Variants in TRIM2 observed in about 807,000 individuals in gnomAD.
TRIM2 encodes tripartite motif containing 2.
A neutral mutation model predicts 75.2 loss-of-function variants in TRIM2; 20 were observed. The ratio of observed to expected loss-of-function variants is 0.27; its 90% CI spans 0.19 to 0.39. The LOEUF (loss-of-function observed/expected upper bound fraction) is 0.39. Among genes scored for constraint, TRIM2 ranks in the 10% least tolerant of loss-of-function variants. TRIM2 has a pLI of 1.00. For missense variants in TRIM2, 660 were observed against 990.8 expected (o/e 0.67, Z 4.48); for synonymous variants, 373 against 388.3 (o/e 0.96, Z 0.46).
intron 1 of TRIM2, among the ~76,000 whole-genome samples, chr4:153,244,438 T>TTTCTTCTTCTTCTTCGTC (rs1748512067): frequency 1.3e-5 from 1 of 74,146 alleles, no homozygotes; most frequent in South Asian, 4.5e-4. Context: ...TCTTCTTCTT[T>TTTCTTCTTCTTCTTCGTC]TAATTAGAGA....
At chr4:153,293,186 C>A in intron 4 of TRIM2, 53 bp downstream of exon 4, 1 of 1,536,456 alleles carries the variant, frequency 6.5e-7, no homozygotes, top group Non-Finnish European at 8.9e-7. Context: ...TGAGGCCTGG[C>A]CTCATGGCCT....
chr4:153,308,404 G>A, intron 6 of TRIM2: 9 of 865,948 alleles, frequency 1.0e-5, no homozygotes, highest in South Asian at 9.2e-5. Flanking sequence ...TTGGTTCCCA[G>A]CCCCTTCATG....
chr4:153,325,405 G>C (rs1303848959), intron 10 of TRIM2, among the ~76,000 whole-genome samples: 3 of 152,190 alleles, frequency 2.0e-5, no homozygotes, highest in Non-Finnish European at 4.4e-5. Flanking sequence ...CAGATAATCT[G>C]CATTCTCTGC....
rs936090657 is a variant in TRIM2 at position 153,335,602 on chromosome 4, T to C, written c.*636T>C. On this transcript the variant is annotated 3_prime_UTR_variant, in exon 12 of 12. Transcript: ENST00000338700. ...ACCTTTCTGGGTTAGACAAAGATCC[T>C]TTTTTGTGTGTTCTTTTCACCACCC... 41 of 985,326 alleles carry C rather than the reference T, an allele frequency of 4.2e-5. No homozygotes were observed. The highest frequency in any genetic ancestry group is 4.9e-5 in the Non-Finnish European group (41 of 829,938). 61.0% of individuals were successfully genotyped at this position (985,326 alleles called of 1,614,324 possible). A position where few individuals can be genotyped will look rare whatever the true frequency, so the allele number is the denominator to read the frequency against.
At chr4:153,234,483 A>G (rs1744496794) in intron 1 of TRIM2, among the ~76,000 whole-genome samples, 1 of 152,208 alleles carries the variant, frequency 6.6e-6, no homozygotes, top group Non-Finnish European at 1.5e-5. Context: ...AGTGAAATAT[A>G]TGTATCTATT....
chr4:153,231,031 T>C (rs1037552587), intron 1 of TRIM2, among the ~76,000 whole-genome samples: 3 of 152,150 alleles, frequency 2.0e-5, no homozygotes, highest in Non-Finnish European at 4.4e-5. Flanking sequence ...ACTTTTCCAG[T>C]AAAGGGGGAG....
intron 1 of TRIM2, among the ~76,000 whole-genome samples, chr4:153,180,355 C>T (rs113282242): frequency 0.034 from 5,168 of 152,298 alleles, 149 homozygotes; most frequent in South Asian, 0.061. Flanking sequence ...AAACAAGGTT[C>T]TCGACAGCCT....
At chr4:153,219,855 C>T (rs1739483997) in intron 1 of TRIM2, among the ~76,000 whole-genome samples, 2 of 151,920 alleles carry the variant, frequency 1.3e-5, no homozygotes, top group Non-Finnish European at 2.9e-5. Context: ...GTGACAGAGT[C>T]AGATCCTGTC....
At chr4:153,279,942 CAAA>C (rs3048123) in intron 3 of TRIM2, among the ~76,000 whole-genome samples, 50 of 104,158 alleles carry the variant, frequency 4.8e-4, no homozygotes, top group African/African-American at 8.4e-4. Flanking sequence ...GACTCTGTCT[CAAA>C]AAAAAAAAAA....
At chr4:153,194,314 A>G (rs2149666123) in intron 1 of TRIM2, among the ~76,000 whole-genome samples, 1 of 152,350 alleles carries the variant, frequency 6.6e-6, no homozygotes, top group African/African-American at 2.4e-5. Context: ...TGGTATGTGC[A>G]TATAAAGAAA....
intron 1 of TRIM2, among the ~76,000 whole-genome samples, chr4:153,155,591 A>G (rs1729157496): frequency 6.6e-6 from 1 of 152,200 alleles, no homozygotes; most frequent in Admixed American, 6.5e-5. Flanking sequence ...ATTGGATATA[A>G]TGAAAAACTT....
chr4:153,332,344 AG>A (rs1356611125), intron 11 of TRIM2, among the ~76,000 whole-genome samples: 11 of 152,224 alleles, frequency 7.2e-5, no homozygotes, highest in African/African-American at 2.7e-4. Flanking sequence ...CAATCCAATT[AG>A]AATAATGAAC....
intron 1 of TRIM2, among the ~76,000 whole-genome samples, chr4:153,221,377 A>C (rs1430392206): frequency 6.6e-6 from 1 of 152,184 alleles, no homozygotes; most frequent in Non-Finnish European, 1.5e-5. Flanking sequence ...GCAGTGAGCC[A>C]TGTTTGTGAC....
rs114936310 is a variant in TRIM2 at position 153,338,426 on chromosome 4, T to C, written c.*3460T>C. The C allele has an allele frequency of 1.1e-3, 1,098 of 985,702 alleles. 8 individuals carry two copies. In the African/African-American group the frequency reaches 0.017, roughly 15 times the overall value. 61.1% of individuals were successfully genotyped at this position (985,702 alleles called of 1,614,324 possible). A position where few individuals can be genotyped will look rare whatever the true frequency, so the allele number is the denominator to read the frequency against. On this transcript the variant is annotated 3_prime_UTR_variant, in exon 12 of 12. Coordinates refer to ENST00000338700, the MANE Select transcript of TRIM2 (RefSeq NM_015271.5). ...AATTTAAAAACAAGACATCTCCAGG[T>C]AGGAAAAAATGAAAGCTATTTCATG... is the stretch of plus-strand genomic sequence containing the variant.
At chr4:153,165,471 C>T (rs552001741) in intron 1 of TRIM2, among the ~76,000 whole-genome samples, 27 of 152,116 alleles carry the variant, frequency 1.8e-4, no homozygotes, top group African/African-American at 2.9e-4. Flanking sequence ...ACTGGGACTA[C>T]GAACACATGC....
chr4:153,239,090 C>T (rs982174670), intron 1 of TRIM2, among the ~76,000 whole-genome samples: 8 of 152,256 alleles, frequency 5.3e-5, no homozygotes, highest in South Asian at 4.2e-4. Context: ...TGGTGGCTCA[C>T]GCCTGTAATC....
chr4:153,244,409 T>TTCTTCTTCC (rs1748327730), intron 1 of TRIM2, among the ~76,000 whole-genome samples: 1 of 87,696 alleles, frequency 1.1e-5, no homozygotes, highest in African/African-American at 7.4e-5. Context: ...CTTCTTCTTC[T>TTCTTCTTCC]TCTTCTTCTT....
chr4:153,220,493 G>A (rs139444336), intron 1 of TRIM2, among the ~76,000 whole-genome samples: 1 of 152,066 alleles, frequency 6.6e-6, no homozygotes, highest in Non-Finnish European at 1.5e-5. Flanking sequence ...ACAGCCCGTA[G>A]AATAAGAACA....
At chr4:153,187,628 C>T (rs887121884) in intron 1 of TRIM2, among the ~76,000 whole-genome samples, 1 of 152,192 alleles carries the variant, frequency 6.6e-6, no homozygotes, top group African/African-American at 2.4e-5. Context: ...GTAGGCCAAC[C>T]AGACCTCTCC....
Sources: allele counts gnomAD v4.1 joint callset (sites outside exome capture counted in the v4.1 genomes callset), GRCh38; gene constraint gnomAD v4.1.1; transcripts MANE v1.5; gene names NCBI Gene and HGNC (gene_info 2026-07-23, HGNC 2026-07-21).